Variants in CCSER2 observed in about 807,000 individuals in gnomAD.
CCSER2 encodes coiled-coil serine rich protein 2.
A neutral mutation model predicts 92.3 loss-of-function variants in CCSER2; 46 were observed. That is an observed-to-expected ratio of 0.50 (90% CI 0.39 to 0.64). The LOEUF (loss-of-function observed/expected upper bound fraction) is 0.64, where lower values mean the gene tolerates loss of function less well. Among genes scored for constraint, CCSER2 ranks in the 30% least tolerant of loss-of-function variants. CCSER2 has a pLI of 0.00. For missense variants in CCSER2, 1,244 were observed against 1,238.9 expected (o/e 1.00, Z -0.06); for synonymous variants, 433 against 431.4 (o/e 1.00, Z -0.04).
At chr10:84,366,298 T>C (rs1845773269) in intron 1 of CCSER2, among the ~76,000 whole-genome samples, 1 of 152,254 alleles carries the variant, frequency 6.6e-6, no homozygotes, top group African/African-American at 2.4e-5. Flanking sequence ...CAATCACAGG[T>C]CCACAAAACA....
At chr10:84,437,922 A>G (rs1015056888) in intron 5 of CCSER2, among the ~76,000 whole-genome samples, 7 of 151,864 alleles carry the variant, frequency 4.6e-5, no homozygotes, top group African/African-American at 1.7e-4. Context: ...CCGAGAGTAG[A>G]TTTTTTTAAT....
chr10:84,512,992 A>G (rs956839510), intron 9 of CCSER2, among the ~76,000 whole-genome samples: 1 of 152,190 alleles, frequency 6.6e-6, no homozygotes. Flanking sequence ...CATTCTTGAC[A>G]GAAGAACAAC....
intron 1 of CCSER2, among the ~76,000 whole-genome samples, chr10:84,354,481 C>T (rs576749593): frequency 2.0e-5 from 3 of 152,148 alleles, no homozygotes; most frequent in Admixed American, 2.0e-4. Context: ...TTCAAAGTTT[C>T]TTGCAAATTA....
At chr10:84,403,999 C>A (rs148704375) in intron 3 of CCSER2, among the ~76,000 whole-genome samples, 15 of 152,176 alleles carry the variant, frequency 9.9e-5, no homozygotes, top group Admixed American at 2.0e-4. Flanking sequence ...ACCTTGAATT[C>A]ATTTCTAAAC....
chr10:84,367,160 A>G (rs1845815842), intron 1 of CCSER2, among the ~76,000 whole-genome samples: 1 of 151,974 alleles, frequency 6.6e-6, no homozygotes, highest in African/African-American at 2.4e-5. Context: ...ATTAACTTAA[A>G]TAGGATACGT....
intron 1 of CCSER2, among the ~76,000 whole-genome samples, chr10:84,341,038 T>C (rs1844147865): frequency 1.5e-5 from 1 of 64,556 alleles, no homozygotes. Context: ...AATGTAACAC[T>C]TTTTTTTTTT....
chr10:84,514,523 A>C lies in CCSER2; in HGVS notation c.*256A>C. The stretch of plus-strand genomic sequence containing the variant: ...TTTCAGAGGCCTGCCAAAGGCCCAA[A>C]TCATGTTATCCATCCCTCTCCACGT... On this transcript the variant is annotated 3_prime_UTR_variant, in exon 10 of 10. Coordinates refer to ENST00000372088, the MANE Select transcript of CCSER2 (RefSeq NM_001284240.2). The C allele has an allele frequency of 8.4e-6, 4 of 474,752 alleles. No homozygotes were observed. Among genetic ancestry groups the C allele is most frequent in the Non-Finnish European group, 7.4e-6 (2 of 269,726 alleles). The allele number at this position is 474,752 out of a possible 1,614,324, so 29.4% of individuals were successfully genotyped here. A position where few individuals can be genotyped will look rare whatever the true frequency, so the allele number is the denominator to read the frequency against.
intron 6 of CCSER2, among the ~76,000 whole-genome samples, chr10:84,440,533 C>T (rs1430183260): frequency 6.6e-6 from 1 of 152,180 alleles, no homozygotes; most frequent in African/African-American, 2.4e-5. Flanking sequence ...CCCTCCCCAC[C>T]TCAGTCAACC....
chr10:84,475,333 G>A (rs574493213), intron 8 of CCSER2, among the ~76,000 whole-genome samples: 78 of 152,284 alleles, frequency 5.1e-4, no homozygotes, highest in African/African-American at 1.8e-3. Flanking sequence ...AAGGCAGATG[G>A]TGAGAAAATG....
intron 9 of CCSER2, among the ~76,000 whole-genome samples, chr10:84,483,249 C>T (rs1847560936): frequency 6.6e-6 from 1 of 152,032 alleles, no homozygotes; most frequent in Admixed American, 6.6e-5. Flanking sequence ...AAAAATTAGT[C>T]AGGCGTGGTG....
intron 6 of CCSER2, among the ~76,000 whole-genome samples, chr10:84,443,827 T>C (rs1844736998): frequency 6.6e-6 from 1 of 152,056 alleles, no homozygotes; most frequent in South Asian, 2.1e-4. Flanking sequence ...AAAGGATGAG[T>C]TCATGTCCTT....
At chr10:84,485,768 A>G (rs1021075512) in intron 9 of CCSER2, among the ~76,000 whole-genome samples, 2 of 152,152 alleles carry the variant, frequency 1.3e-5, no homozygotes, top group African/African-American at 4.8e-5. Context: ...TTATTATTTA[A>G]GTTCTAGGAT....
intron 1 of CCSER2, among the ~76,000 whole-genome samples, chr10:84,360,946 A>T (rs1389770687): frequency 6.6e-6 from 1 of 152,114 alleles, no homozygotes. Context: ...CTCCCATTCC[A>T]TTCTGTTTCC....
intron 1 of CCSER2, among the ~76,000 whole-genome samples, chr10:84,336,204 T>C (rs898401423): frequency 2.6e-5 from 4 of 152,234 alleles, no homozygotes; most frequent in African/African-American, 9.7e-5. Flanking sequence ...CCTTCAATCC[T>C]GGCTTAGAGA....
At chr10:84,363,003 A>T (rs1309675144) in intron 1 of CCSER2, among the ~76,000 whole-genome samples, 2 of 138,836 alleles carry the variant, frequency 1.4e-5, no homozygotes, top group Non-Finnish European at 3.1e-5. Context: ...CGCCCAGCTA[A>T]TTTTTTTTTT....
Position 84,413,851 on chromosome 10 carries a change from A to G in CCSER2, c.1615-3920A>G, listed in dbSNP as rs191343960. Among the ~76,000 whole-genome samples, 204 of 152,232 alleles carry G rather than the reference A, an allele frequency of 1.3e-3. 3 individuals are homozygous for G. Among genetic ancestry groups the G allele is most frequent in the Admixed American group, 0.013 (193 of 15,268 alleles). On this transcript the variant is annotated intron_variant, in intron 3 of 9. Coordinates refer to ENST00000372088, the MANE Select transcript of CCSER2 (RefSeq NM_001284240.2). Reference sequence around the variant, plus strand: ...TCTATGTTGGCTGCATATATATTTAATAAGATAGTTAGCTCTTCTTGTTGA... The same window carrying G: ...TCTATGTTGGCTGCATATATATTTAGTAAGATAGTTAGCTCTTCTTGTTGA...
intron 9 of CCSER2, among the ~76,000 whole-genome samples, chr10:84,491,593 G>A (rs1188783): frequency 0.077 from 11,797 of 152,224 alleles, 514 homozygotes; most frequent in Middle Eastern, 0.12. Context: ...TTGGAAAAGT[G>A]CAGTATTAGA....
At chr10:84,476,759 T>A (rs891266047) in intron 8 of CCSER2, among the ~76,000 whole-genome samples, 1 of 152,090 alleles carries the variant, frequency 6.6e-6, no homozygotes, top group Non-Finnish European at 1.5e-5. Flanking sequence ...ATTCTTTTTA[T>A]CAGTATTTTC....
chr10:84,457,614 AATTATATATTTATATATTATATAT>A, intron 6 of CCSER2, among the ~76,000 whole-genome samples: 1 of 89,354 alleles, frequency 1.1e-5, no homozygotes, highest in South Asian at 3.3e-4. Context: ...TATTATATAT[AATTATATATTTATATATTATATAT>A]AATTATATAT....
Sources: gnomAD v4.1 joint callset for allele counts (sites outside exome capture counted in the v4.1 genomes callset) on GRCh38, gnomAD v4.1.1 for gene constraint, MANE v1.5 for transcripts, NCBI Gene and HGNC (gene_info 2026-07-23, HGNC 2026-07-21) for gene names.